CYB561: variants seen among roughly 807,000 people sequenced by gnomAD.
The protein encoded by CYB561 is cytochrome b561, also known as transmembrane ascorbate-dependent reductase CYB561.
Under a neutral mutation model 25.3 loss-of-function variants are expected in CYB561, and 11 were observed. The ratio of observed to expected loss-of-function variants is 0.44; its 90% confidence interval spans 0.27 to 0.72. The LOEUF (loss-of-function observed/expected upper bound fraction) is 0.72, where lower values mean the gene tolerates loss of function less well. Ranked by LOEUF, CYB561 falls within the 30% of genes least tolerant of loss-of-function variation. The probability of loss-of-function intolerance (pLI) is 0.18; values close to 1 mark genes in which losing one functional copy is unlikely to be tolerated. For missense variants in CYB561, 295 were observed against 334.9 expected (o/e 0.88, Z 0.93); for synonymous variants, 165 against 158.8 (o/e 1.04, Z -0.29).
At position 63,434,388 on chromosome 17, in the gene CYB561, G is replaced by C; in HGVS notation, c.*14C>G. 2 of 1,538,842 alleles carry C rather than the reference G, an allele frequency of 1.3e-6. No individual in the cohort carries two copies. Among genetic ancestry groups the C allele is most frequent in the Non-Finnish European group, 1.8e-6 (2 of 1,137,748 alleles). ...AGAAGACACCCCGCGAACCCCCAGG[G>C]CCGGCCGGGCGCATCACTGGGAGCC... is the stretch of plus-strand genomic sequence containing the variant. On this transcript the variant is annotated 3_prime_UTR_variant, in exon 6 of 6. Coordinates refer to ENST00000360793, the MANE Select transcript of CYB561 (RefSeq NM_001915.4).
chr17:63,435,679 A>G lies in CYB561; in HGVS notation c.405+9T>C. ...GTGGCCCCAGGCCCGGGGTGTTGGA[A>G]GGACTCACCTGCACAAAGTACAGGA... On this transcript the variant is annotated intron_variant, in intron 4 of 5. Transcript: ENST00000360793. The G allele has an allele frequency of 6.2e-7, 1 of 1,612,984 alleles. No homozygotes were observed. The highest frequency in any genetic ancestry group is 8.5e-7 in the Non-Finnish European group (1 of 1,178,932).
rs1249342036 is a variant in CYB561 at position 63,432,305 on chromosome 17, C to A, written c.*2097G>T. 6.6e-6 allele frequency: 1 copy of A among 152,238 alleles called. No individual in the cohort carries two copies. Among genetic ancestry groups the A allele is most frequent in the African/African-American group, 2.4e-5 (1 of 41,456 alleles). The allele number at this position is 152,238 out of a possible 1,614,324, so 9.4% of individuals were successfully genotyped here. A position where few individuals can be genotyped will look rare whatever the true frequency, so the allele number is the denominator to read the frequency against. ...TAAAGGAAGATAACAGGCGAGAGGTCTGCTGTAGACATTTATTGAATCATC... is the reference window on the plus strand; with the variant it reads ...TAAAGGAAGATAACAGGCGAGAGGTATGCTGTAGACATTTATTGAATCATC... On this transcript the variant is annotated 3_prime_UTR_variant, in exon 6 of 6. Transcript: ENST00000360793.
rs1302090452 is a variant in CYB561 at position 63,434,462 on chromosome 17, C to T, written c.696G>A (p.Glu232=). The change falls in exon 6 of 6, where the codon GAG becomes GAA. Residue 232 remains glutamate, a synonymous_variant. Transcript: ENST00000360793. The stretch of plus-strand genomic sequence containing the variant: ...TCTTGAAGTCCATGGAGAGGGCCTG[C>T]TCTTCCGCCTGGGAAGGCCGCTTCC... ...ADWKRPSQAE[E]QALSMDFKTL... 1 of 1,605,816 alleles carries T rather than the reference C, an allele frequency of 6.2e-7. No homozygotes were observed. Among genetic ancestry groups the T allele is most frequent in the African/African-American group, 1.3e-5 (1 of 74,856 alleles).
intron 1 of CYB561, chr17:63,438,109 G>A (rs2049333884): frequency 6.5e-7 from 1 of 1,534,696 alleles, no homozygotes; most frequent in East Asian, 2.5e-5. Context: ...CTCCCCACGG[G>A]GACAGGCGTG....
chr17:63,434,390 C>T lies in CYB561; in HGVS notation c.*12G>A, dbSNP rs752976705. The T allele has an allele frequency of 3.1e-5, 47 of 1,540,926 alleles. No individual in the cohort carries two copies. Among genetic ancestry groups the T allele is most frequent in the Middle Eastern group, 1.7e-4 (1 of 5,898 alleles). ...AAGACACCCCGCGAACCCCCAGGGC[C>T]GGCCGGGCGCATCACTGGGAGCCGG... On this transcript the variant is annotated 3_prime_UTR_variant, in exon 6 of 6. Coordinates refer to ENST00000360793, the MANE Select transcript of CYB561 (RefSeq NM_001915.4).
At chr17:63,444,189 G>A (rs2049401688) in intron 1 of CYB561, among the ~76,000 whole-genome samples, 3 of 152,124 alleles carry the variant, frequency 2.0e-5, no homozygotes, top group African/African-American at 4.8e-5. Context: ...TCACCACTGC[G>A]CCGGGCCAAT....
At chr17:63,438,653 G>A (rs995021266) in intron 1 of CYB561, among the ~76,000 whole-genome samples, 5 of 152,208 alleles carry the variant, frequency 3.3e-5, no homozygotes, top group Non-Finnish European at 7.4e-5. Flanking sequence ...AACGAGGCCT[G>A]CGAAGGGGCC....
At chr17:63,438,247 G>A in intron 1 of CYB561, 1 of 1,534,666 alleles carries the variant, frequency 6.5e-7, no homozygotes, top group East Asian at 2.4e-5. Context: ...GGCCTTCCCT[G>A]GGTGGGCTTT....
In CYB561 at chr17:63,436,124, G is replaced by T. The variant is rs746180902; in HGVS notation, c.231C>A (p.Asn77Lys). 8.1e-6 allele frequency: 13 copies of T among 1,614,198 alleles called. No homozygotes were observed. Among genetic ancestry groups the T allele is most frequent in the Non-Finnish European group, 1.1e-5 (13 of 1,179,992 alleles). The change falls in exon 3 of 6, where the codon AAC becomes AAA. Residue 77 changes from asparagine to lysine, a missense_variant. Physicochemically the swap from Asn to Lys is moderately conservative, Grantham distance 94 (BLOSUM62 0). Transcript: ENST00000360793. The surrounding 1 kb of genome is among the most constrained non-coding windows in gnomAD (Gnocchi z 4.8). ...NALLVYRVFR[N>K]EAKRTTKVLH... Reference sequence around the variant, plus strand: ...GGACCTTGGTGGTGCGTTTAGCTTCGTTCCTGAAGACACGGTAAACCAGCA... The same window carrying T: ...GGACCTTGGTGGTGCGTTTAGCTTCTTTCCTGAAGACACGGTAAACCAGCA...
At chr17:63,444,229 C>T (rs1282520262) in intron 1 of CYB561, among the ~76,000 whole-genome samples, 2 of 152,200 alleles carry the variant, frequency 1.3e-5, no homozygotes, top group African/African-American at 2.4e-5. Context: ...GAAGACGGGG[C>T]CCGTGAAGGC....
At position 63,434,414 on chromosome 17, in the gene CYB561, G is replaced by C. The variant is rs148303921; in HGVS notation, c.744C>G (p.Pro248=). 1.3e-6 allele frequency: 2 copies of C among 1,570,604 alleles called. No homozygotes were observed. Among genetic ancestry groups the C allele is most frequent in the Non-Finnish European group, 1.7e-6 (2 of 1,156,612 alleles). ...CCGGCCGGGCGCATCACTGGGAGCC[G>C]GGGCTATCTCCCTCCGTCAGCGTCT... The part of the protein sequence containing the change: ...DFKTLTEGDS[P]GSQ The change falls in exon 6 of 6, where the codon CCC becomes CCG. Residue 248 remains proline (P), a synonymous_variant. Coordinates refer to ENST00000360793, the MANE Select transcript of CYB561 (RefSeq NM_001915.4).
intron 1 of CYB561, chr17:63,438,100 T>TC (rs2049333678): frequency 6.5e-7 from 1 of 1,530,642 alleles, no homozygotes; most frequent in South Asian, 1.2e-5. Flanking sequence ...GGGCCCAGCC[T>TC]CCCCACGGGG....
intron 1 of CYB561, chr17:63,438,167 A>G: frequency 6.5e-7 from 1 of 1,535,484 alleles, no homozygotes; most frequent in Non-Finnish European, 8.7e-7. Flanking sequence ...GGGTGCAAGG[A>G]AAGATACCCC....
At position 63,432,514 on chromosome 17, in the gene CYB561, T is replaced by G. The variant is rs2049235197; in HGVS notation, c.*1888A>C. On this transcript the variant is annotated 3_prime_UTR_variant, in exon 6 of 6. Transcript: ENST00000360793. ...AAGGTTCCATTTCTCTCTGTAGCAT[T>G]CCGGCTAGAGAGAGACACGATTGTA... 1 of 152,234 alleles carries G rather than the reference T, an allele frequency of 6.6e-6. No homozygotes were observed. The highest frequency in any genetic ancestry group is 1.5e-5 in the Non-Finnish European group (1 of 68,048). 9.4% of individuals were successfully genotyped at this position (152,234 alleles called of 1,614,324 possible). A position where few individuals can be genotyped will look rare whatever the true frequency, so the allele number is the denominator to read the frequency against.
chr17:63,439,324 C>G (rs1257035348), intron 1 of CYB561: 1 of 152,058 alleles, frequency 6.6e-6, no homozygotes, highest in African/African-American at 2.4e-5. Flanking sequence ...TCACCTGAGG[C>G]CAGGAGTTCA....
chr17:63,435,810 A>G lies in CYB561; in HGVS notation c.302-19T>C. ...ACCAAGCCTGGGCCAGAGACAGGTC[A>G]TATGAGGACAGGGTTGGATGTGGAA... is the stretch of plus-strand genomic sequence containing the variant. On this transcript the variant is annotated intron_variant, in intron 3 of 5. Transcript: ENST00000360793. 1.9e-6 allele frequency: 3 copies of G among 1,611,218 alleles called. No individual in the cohort carries two copies. Among genetic ancestry groups the G allele is most frequent in the Non-Finnish European group, 2.5e-6 (3 of 1,177,324 alleles).
rs2049300720 is a variant in CYB561, at chr17:63,436,364, T to G, written c.203-212A>C. Among the ~76,000 whole-genome samples, 1 of 152,024 alleles carries G rather than the reference T, an allele frequency of 6.6e-6. No homozygotes were observed. Among genetic ancestry groups the G allele is most frequent in the South Asian group, 2.1e-4 (1 of 4,816 alleles). ...GAGGGCACCTAGGGCTGTGTGCACCTTAACACCCCTCCCCCACCCTCCAAC... is the reference window on the plus strand; with the variant it reads ...GAGGGCACCTAGGGCTGTGTGCACCGTAACACCCCTCCCCCACCCTCCAAC... On this transcript the variant is annotated intron_variant, in intron 2 of 5. Coordinates refer to ENST00000360793, the MANE Select transcript of CYB561 (RefSeq NM_001915.4). This position sits in a 1 kb window ranked among gnomAD's most constrained non-coding sequence, Gnocchi z 4.8.
In CYB561 at chr17:63,436,290, G is replaced by A. The variant is rs531866220; in HGVS notation, c.203-138C>T. The A allele has an allele frequency of 1.7e-6, 2 of 1,155,990 alleles. No homozygotes were observed. Among genetic ancestry groups the A allele is most frequent in the Admixed American group, 5.1e-5 (2 of 39,442 alleles). The allele number at this position is 1,155,990 out of a possible 1,614,324, so 71.6% of individuals were successfully genotyped here. A position where few individuals can be genotyped will look rare whatever the true frequency, so the allele number is the denominator to read the frequency against. ...CAGGAGCCTAGCTGCAGGAACCGGA[G>A]GAGAAAGCCAGGTTCCCTGGGGACC... is the stretch of plus-strand genomic sequence containing the variant. On this transcript the variant is annotated intron_variant, in intron 2 of 5. Transcript: ENST00000360793. This position sits in a 1 kb window ranked among gnomAD's most constrained non-coding sequence, Gnocchi z 4.8.
intron 1 of CYB561, among the ~76,000 whole-genome samples, chr17:63,441,878 A>G (rs1281665594): frequency 6.6e-6 from 1 of 152,228 alleles, no homozygotes; most frequent in East Asian, 1.9e-4. Context: ...CGGTTCCACC[A>G]TGGCACTAAG....
Sources: gnomAD v4.1 joint callset for allele counts (sites outside exome capture counted in the v4.1 genomes callset) on GRCh38, gnomAD v4.1.1 for gene constraint, Gnocchi (gnomAD v3.1) non-coding constraint, MANE v1.5 for transcripts, NCBI Gene and HGNC (gene_info 2026-07-23, HGNC 2026-07-21) for gene names.